Variants in KCNE2 observed in about 807,000 individuals in gnomAD.
KCNE2 encodes the protein potassium voltage-gated channel subfamily E member 2.
KCNE2 carries 4 observed loss-of-function variants against 4.5 expected under a neutral mutation model. The ratio of observed to expected loss-of-function variants is 0.89; its 90% confidence interval spans 0.44 to 2.03. The LOEUF is 2.03. Among genes scored for constraint, KCNE2 ranks in the 30% most tolerant of loss-of-function variants. KCNE2 has a pLI of 0.03. For synonymous variants in KCNE2, 57 were observed against 55.9 expected (o/e 1.02, Z -0.09); for missense variants, 137 against 151.4 (o/e 0.90, Z 0.50).
intron 1 of KCNE2, among the ~76,000 whole-genome samples, chr21:34,367,505 A>G (rs1485785865): frequency 6.6e-6 from 1 of 152,150 alleles, no homozygotes; most frequent in Admixed American, 6.6e-5. Flanking sequence ...TTTCCTTCCA[A>G]CCCACTAGCC....
intron 1 of KCNE2, among the ~76,000 whole-genome samples, chr21:34,369,210 G>A (rs1183884140): frequency 3.3e-5 from 5 of 152,088 alleles, no homozygotes; most frequent in Non-Finnish European, 7.4e-5. Flanking sequence ...AACAACCATC[G>A]CATCATTTTA....
intron 1 of KCNE2, among the ~76,000 whole-genome samples, chr21:34,368,137 G>C (rs1386976081): frequency 6.7e-6 from 1 of 148,734 alleles, no homozygotes; most frequent in Non-Finnish European, 1.5e-5. Flanking sequence ...GCTATACCGA[G>C]CTAGACAAAG....
chr21:34,370,671 G>A lies in KCNE2; in HGVS notation c.193G>A (p.Val65Met), dbSNP rs199473364. The change falls in exon 2 of 2, where the codon GTG becomes ATG. Residue 65 changes from valine to methionine, a missense_variant. Val to Met is a conservative substitution (Grantham distance 21). Transcript: ENST00000290310. ...GATTGGAATGTTCTCTTTCATCATC[G>A]TGGCCATCCTGGTGAGCACTGTGAA... is the stretch of plus-strand genomic sequence containing the variant. ...VMIGMFSFIIVAILVSTVKSK... is the reference protein window; with the variant it reads ...VMIGMFSFIIMAILVSTVKSK... 7.4e-6 allele frequency: 12 copies of A among 1,613,934 alleles called. No homozygotes were observed. The highest frequency in any genetic ancestry group is 2.7e-5 in the African/African-American group (2 of 74,848).
chr21:34,367,982 A>G (rs1029553251), intron 1 of KCNE2, among the ~76,000 whole-genome samples: 2 of 151,902 alleles, frequency 1.3e-5, no homozygotes, highest in African/African-American at 4.8e-5. Context: ...TGCACGTTGC[A>G]TTGTCATTGA....
At chr21:34,369,245 T>C (rs1979474451) in intron 1 of KCNE2, among the ~76,000 whole-genome samples, 1 of 152,084 alleles carries the variant, frequency 6.6e-6, no homozygotes, top group African/African-American at 2.4e-5. Context: ...GCACTATAAT[T>C]TCCCTCTTCA....
At position 34,370,876 on chromosome 21, in the gene KCNE2, A is replaced by G; in HGVS notation, c.*26A>G. On this transcript the variant is annotated 3_prime_UTR_variant, in exon 2 of 2. Transcript: ENST00000290310. ...TAAGGGAGAAAGGCACCAAGCTAACATCTGACGTCCAGACATGAAGAGATG... is the reference window on the plus strand; with the variant it reads ...TAAGGGAGAAAGGCACCAAGCTAACGTCTGACGTCCAGACATGAAGAGATG... 2 of 1,613,006 alleles carry G rather than the reference A, an allele frequency of 1.2e-6. No individual in the cohort carries two copies. The highest frequency in any genetic ancestry group is 1.7e-6 in the Non-Finnish European group (2 of 1,180,028).
rs1348771766 is a variant in KCNE2, at chr21:34,368,275, ATG to A, written c.-12-2190_-12-2189del. Among the ~76,000 whole-genome samples the A allele has an allele frequency of 6.2e-3, 698 of 111,716 alleles. 15 individuals carry two copies. Among genetic ancestry groups the A allele is most frequent in the African/African-American group, 0.012 (352 of 28,412 alleles). 73.3% of individuals were successfully genotyped at this position (111,716 alleles called of 152,430 possible). A position where few individuals can be genotyped will look rare whatever the true frequency, so the allele number is the denominator to read the frequency against. ...ATATATATATATGTATGTTATATAT[ATG>A]TATGTTATATATATGTATGTATGTA... is the stretch of plus-strand genomic sequence containing the variant. On this transcript the variant is annotated intron_variant, in intron 1 of 1. Transcript: ENST00000290310.
At position 34,371,152 on chromosome 21, in the gene KCNE2, G is replaced by C. The variant is rs1180643283; in HGVS notation, c.*302G>C. 13 of 417,146 alleles carry C rather than the reference G, an allele frequency of 3.1e-5. No homozygotes were observed. Among genetic ancestry groups the C allele is most frequent in the Non-Finnish European group, 5.0e-5 (11 of 218,688 alleles). 25.8% of individuals were successfully genotyped at this position (417,146 alleles called of 1,614,324 possible). A position where few individuals can be genotyped will look rare whatever the true frequency, so the allele number is the denominator to read the frequency against. On this transcript the variant is annotated 3_prime_UTR_variant, in exon 2 of 2. Transcript: ENST00000290310. ...AAGCCAAATTTGAAGTAAAGTGTCT[G>C]GGCAGTGGCTGTGGGGATAGAAAGG...
chr21:34,368,700 TATA>T (rs1979453030), intron 1 of KCNE2, among the ~76,000 whole-genome samples: 2 of 152,230 alleles, frequency 1.3e-5, no homozygotes, highest in Admixed American at 1.3e-4. Context: ...AGCACACGTA[TATA>T]ATTCTCTGAA....
intron 1 of KCNE2, among the ~76,000 whole-genome samples, chr21:34,369,318 G>C (rs1053569941): frequency 6.6e-6 from 1 of 152,170 alleles, no homozygotes; most frequent in African/African-American, 2.4e-5. Flanking sequence ...GGGAGGCTGA[G>C]GCGGGTGGAT....
At chr21:34,364,801 C>G (rs1054133496) in intron 1 of KCNE2, among the ~76,000 whole-genome samples, 9 of 151,246 alleles carry the variant, frequency 6.0e-5, no homozygotes, top group African/African-American at 1.9e-4. Flanking sequence ...GAAAAGAAAA[C>G]TCTGGACTTT....
At chr21:34,370,267 A>T (rs1979516811) in intron 1 of KCNE2, among the ~76,000 whole-genome samples, 200 bp from the exon 2 acceptor site, 1 of 152,224 alleles carries the variant, frequency 6.6e-6, no homozygotes, top group African/African-American at 2.4e-5. Context: ...ACTGTGTAAC[A>T]ATCATGGATT....
intron 1 of KCNE2, among the ~76,000 whole-genome samples, chr21:34,364,573 C>T (rs1362219075): frequency 6.6e-6 from 1 of 152,030 alleles, no homozygotes; most frequent in African/African-American, 2.4e-5. Context: ...AGATCGAGAC[C>T]AGCCTGGCCA....
In KCNE2 at chr21:34,368,390, C is replaced by T. The variant is rs1254602626; in HGVS notation, c.-12-2077C>T. 5.9e-5 allele frequency among the ~76,000 whole-genome samples: 9 copies of T among 151,350 alleles called. No homozygotes were observed. The South Asian group carries it at 6.3e-4, about 11-fold the overall frequency. On this transcript the variant is annotated intron_variant, in intron 1 of 1. Coordinates refer to ENST00000290310, the MANE Select transcript of KCNE2 (RefSeq NM_172201.2). ...CCGAGGCAGGTGGATCACGAGGTCA[C>T]GAGATCGAGACCATCCTGGCTAACA...
At chr21:34,366,237 C>G (rs575563616) in intron 1 of KCNE2, among the ~76,000 whole-genome samples, 15 of 152,250 alleles carry the variant, frequency 9.9e-5, no homozygotes, top group African/African-American at 3.4e-4. Context: ...CTTGGATGGG[C>G]CTTAGGGGTC....
At chr21:34,365,591 ATTT>A (rs1421434506) in intron 1 of KCNE2, among the ~76,000 whole-genome samples, 2 of 151,942 alleles carry the variant, frequency 1.3e-5, no homozygotes, top group South Asian at 2.1e-4. Flanking sequence ...ACATCCAGCT[ATTT>A]TTTTATGTTT....
chr21:34,366,746 A>T (rs982246850), intron 1 of KCNE2, among the ~76,000 whole-genome samples: 1 of 150,918 alleles, frequency 6.6e-6, no homozygotes, highest in South Asian at 2.1e-4. Context: ...TTGGGAGGCC[A>T]AGGTGGGCGG....
rs1204764499 is a variant in KCNE2 at position 34,368,236 on chromosome 21, A to C, written c.-12-2231A>C. ...ACACACACACACACACACAATATAT[A>C]TATATATATATATATATATATATAT... On this transcript the variant is annotated intron_variant, in intron 1 of 1. Transcript: ENST00000290310. Among the ~76,000 whole-genome samples, 19 of 58,634 alleles carry C rather than the reference A, an allele frequency of 3.2e-4. 1 individual carries two copies. Among genetic ancestry groups the C allele is most frequent in the South Asian group, 1.4e-3 (2 of 1,452 alleles). The allele number at this position is 58,634 out of a possible 152,430, so 38.5% of individuals were successfully genotyped here.
chr21:34,369,416 G>C (rs1979481265), intron 1 of KCNE2, among the ~76,000 whole-genome samples: 1 of 152,140 alleles, frequency 6.6e-6, no homozygotes, highest in Non-Finnish European at 1.5e-5. Flanking sequence ...CAGGCGTGGT[G>C]ACATGTGCCT....
Sources: allele counts gnomAD v4.1 joint callset (sites outside exome capture counted in the v4.1 genomes callset), GRCh38; gene constraint gnomAD v4.1.1; transcripts MANE v1.5; gene names NCBI Gene and HGNC (gene_info 2026-07-23, HGNC 2026-07-21).